The following MCF2L2 variants were observed in gnomAD, a reference collection of about 807,000 sequenced individuals.
MCF2L2 encodes probable guanine nucleotide exchange factor MCF2L2.
MCF2L2 carries 102 observed loss-of-function variants against 150.2 expected under a neutral mutation model. The ratio of observed to expected loss-of-function variants is 0.68; its 90% CI spans 0.58 to 0.80. The LOEUF (loss-of-function observed/expected upper bound fraction) is 0.80, where lower values mean the gene tolerates loss of function less well. MCF2L2 is among the 30% of genes least tolerant of loss of function. The pLI is 0.00. For missense variants in MCF2L2, 1,256 were observed against 1,372.8 expected, an observed-to-expected ratio of 0.91 and a Z score of 1.34; for synonymous variants, 465 against 491.3, an observed-to-expected ratio of 0.95 and a Z score of 0.71.
rs114271354 is a variant in MCF2L2 at position 183,183,973 on chromosome 3, C to A, written c.3017-3814G>T. The stretch of plus-strand genomic sequence containing the variant: ...CCATGCCAAACACACAGGCTCTTGA[C>A]AAATATTCAATCTGATTATAGCAAA... On this transcript the variant is annotated intron_variant, in intron 27 of 29. Coordinates refer to ENST00000328913, the MANE Select transcript of MCF2L2 (RefSeq NM_015078.4). Among the ~76,000 whole-genome samples, 982 of 152,216 alleles carry A rather than the reference C, an allele frequency of 6.5e-3. 11 individuals are homozygous for A. Among genetic ancestry groups the A allele is most frequent in the African/African-American group, 0.023 (953 of 41,538 alleles).
intron 25 of MCF2L2, among the ~76,000 whole-genome samples, chr3:183,202,550 C>T (rs1300035435): frequency 6.6e-6 from 1 of 152,196 alleles, no homozygotes; most frequent in African/African-American, 2.4e-5. Context: ...AAGTGCCAGG[C>T]TGAGTGTGAA....
chr3:183,180,996 C>T (rs747068082), intron 27 of MCF2L2, among the ~76,000 whole-genome samples: 1 of 152,234 alleles, frequency 6.6e-6, no homozygotes, highest in East Asian at 1.9e-4. Flanking sequence ...GCAGAAAGGT[C>T]CCAACACAGG....
At chr3:183,277,337 C>CAAA (rs540729678) in intron 14 of MCF2L2, among the ~76,000 whole-genome samples, 2 of 105,896 alleles carry the variant, frequency 1.9e-5, no homozygotes, top group African/African-American at 3.4e-5. Context: ...ATGCCATATC[C>CAAA]AAAAAAAAAA....
At chr3:183,356,269 C>A (rs1047416980) in intron 3 of MCF2L2, among the ~76,000 whole-genome samples, 1 of 151,374 alleles carries the variant, frequency 6.6e-6, no homozygotes, top group Non-Finnish European at 1.5e-5. Context: ...AATCCCAGCA[C>A]TTTGGGAGGC....
intron 1 of MCF2L2, among the ~76,000 whole-genome samples, chr3:183,421,689 C>T (rs916520766): frequency 3.3e-5 from 5 of 152,202 alleles, no homozygotes; most frequent in Non-Finnish European, 1.5e-5. Flanking sequence ...ATTTAAGGGT[C>T]ACACTTTCCT....
At chr3:183,185,675 C>T (rs1721667961) in intron 27 of MCF2L2, among the ~76,000 whole-genome samples, 1 of 152,198 alleles carries the variant, frequency 6.6e-6, no homozygotes, top group Non-Finnish European at 1.5e-5. Context: ...CCCAGTAGCT[C>T]TCCAGAGCTC....
intron 1 of MCF2L2, among the ~76,000 whole-genome samples, chr3:183,423,054 T>C (rs1421835732): frequency 1.3e-5 from 2 of 152,232 alleles, no homozygotes; most frequent in East Asian, 1.9e-4. Context: ...CAAACATTTT[T>C]AGTAGCCCTT....
At chr3:183,392,774 T>C (rs1412913538) in intron 1 of MCF2L2, among the ~76,000 whole-genome samples, 1 of 152,190 alleles carries the variant, frequency 6.6e-6, no homozygotes, top group Non-Finnish European at 1.5e-5. Context: ...TGCTCTGTTC[T>C]GCCCCCAGTA....
In MCF2L2 at chr3:183,193,040, G is replaced by T. The variant is rs1232125820; in HGVS notation, c.2975C>A (p.Thr992Asn). The part of the protein sequence containing the change: ...PWIKNMERAT[T>N]SKEDPASSTG... Reference sequence around the variant, plus strand: ...GCTGGAGGCCGGGTCTTCCTTGCTAGTGGTAGCTCTTTCCATATTTTTAAT... The same window carrying T: ...GCTGGAGGCCGGGTCTTCCTTGCTATTGGTAGCTCTTTCCATATTTTTAAT... Residue 992 changes from threonine to asparagine, a missense_variant, in exon 27 of 30, where the codon ACT becomes AAT. Thr to Asn is a moderately conservative substitution (Grantham distance 65). Transcript: ENST00000328913. The T allele has an allele frequency of 5.6e-6, 9 of 1,614,150 alleles. No individual in the cohort carries two copies. The highest frequency in any genetic ancestry group is 5.9e-6 in the Non-Finnish European group (7 of 1,180,018).
chr3:183,367,287 G>A (rs533717767), intron 3 of MCF2L2, among the ~76,000 whole-genome samples: 6 of 149,900 alleles, frequency 4.0e-5, no homozygotes, highest in East Asian at 2.0e-4. Context: ...GTGCAACAGC[G>A]CCGTCTAGGC....
At chr3:183,204,105 A>G (rs1373343481) in intron 25 of MCF2L2, among the ~76,000 whole-genome samples, 2 of 152,218 alleles carry the variant, frequency 1.3e-5, no homozygotes, top group African/African-American at 4.8e-5. Context: ...TTCACATCAT[A>G]TACAAAAATT....
At chr3:183,351,207 TATATATATATATATATATATATATATA>T (rs1731109637) in intron 3 of MCF2L2, among the ~76,000 whole-genome samples, 2 of 76,438 alleles carry the variant, frequency 2.6e-5, no homozygotes, top group Non-Finnish European at 4.8e-5. Context: ...TATATATATA[TATATATATATATATATATATATATATA>T]TATTTATTTA....
chr3:183,279,201 A>C (rs144527856), intron 14 of MCF2L2, among the ~76,000 whole-genome samples: 2 of 151,748 alleles, frequency 1.3e-5, no homozygotes, highest in East Asian at 3.9e-4. Flanking sequence ...TTTCATTTAC[A>C]TCGTAACTGA....
intron 1 of MCF2L2, among the ~76,000 whole-genome samples, chr3:183,412,292 T>C (rs962130765): frequency 3.6e-5 from 4 of 112,086 alleles, no homozygotes; most frequent in Admixed American, 8.6e-5. Context: ...TGTTTGTTTG[T>C]TGTTGTTGTT....
rs1017350962 is a variant in MCF2L2, at chr3:183,305,494, G to A, written c.1113+4222C>T. Among the ~76,000 whole-genome samples, 5 of 152,122 alleles carry A rather than the reference G, an allele frequency of 3.3e-5. No homozygotes were observed. Among genetic ancestry groups the A allele is most frequent in the Non-Finnish European group, 7.3e-5 (5 of 68,028 alleles). Reference sequence around the variant, plus strand: ...CTTCAGAATTTTCCAGAAGACATTTGAGATGTTAGAGGGAAGATGTGTGTA... The same window carrying A: ...CTTCAGAATTTTCCAGAAGACATTTAAGATGTTAGAGGGAAGATGTGTGTA... On this transcript the variant is annotated intron_variant, in intron 10 of 29. Coordinates refer to ENST00000328913, the MANE Select transcript of MCF2L2 (RefSeq NM_015078.4). The surrounding 1 kb of genome is among the most constrained non-coding windows in gnomAD (Gnocchi z 4.1).
At chr3:183,357,938 T>G (rs1260306667) in intron 3 of MCF2L2, among the ~76,000 whole-genome samples, 2 of 151,842 alleles carry the variant, frequency 1.3e-5, no homozygotes, top group Non-Finnish European at 2.9e-5. Context: ...GCACAGAAAT[T>G]CAAGCTGTTG....
At chr3:183,394,859 G>A (rs1203335677) in intron 1 of MCF2L2, among the ~76,000 whole-genome samples, 1 of 152,164 alleles carries the variant, frequency 6.6e-6, no homozygotes, top group African/African-American at 2.4e-5. Context: ...CAGTACTTCT[G>A]CAGAACCTCA....
intron 22 of MCF2L2, among the ~76,000 whole-genome samples, chr3:183,209,512 G>A (rs546056572): frequency 7.9e-5 from 12 of 151,796 alleles, no homozygotes; most frequent in South Asian, 2.1e-4. Flanking sequence ...TTTTTGAGAC[G>A]GAGTCTTACT....
intron 1 of MCF2L2, among the ~76,000 whole-genome samples, chr3:183,410,702 A>G (rs1284185917): frequency 6.6e-6 from 1 of 152,226 alleles, no homozygotes; most frequent in Admixed American, 6.5e-5. Flanking sequence ...AGTATTTTAC[A>G]TTCTTAATGA....
Sources: gnomAD v4.1 joint callset for allele counts (sites outside exome capture counted in the v4.1 genomes callset) on GRCh38, gnomAD v4.1.1 for gene constraint, Gnocchi (gnomAD v3.1) non-coding constraint, MANE v1.5 for transcripts, NCBI Gene and HGNC (gene_info 2026-07-23, HGNC 2026-07-21) for gene names.